The following ZMIZ1 variants were observed in gnomAD, a reference collection of about 807,000 sequenced individuals.
ZMIZ1 encodes the protein zinc finger MIZ-type containing 1, also known as zinc finger MIZ domain-containing protein 1.
Under a neutral mutation model 113.9 loss-of-function variants are expected in ZMIZ1, and 17 were observed. The observed-to-expected ratio is 0.15, with a 90% CI of 0.10 to 0.22. The LOEUF is 0.22. Ranked by LOEUF, ZMIZ1 falls within the 10% of genes least tolerant of loss-of-function variation. The pLI is 1.00. For missense variants in ZMIZ1, 1,059 were observed against 1,477.8 expected (o/e 0.72, Z 4.65); for synonymous variants, 607 against 603.1 (o/e 1.01, Z -0.09).
intron 1 of ZMIZ1, among the ~76,000 whole-genome samples, chr10:79,109,444 A>T (rs1843664451): frequency 6.6e-6 from 1 of 152,198 alleles, no homozygotes; most frequent in Non-Finnish European, 1.5e-5. Flanking sequence ...ATCGTAAATG[A>T]GTATAGAGTG....
intron 19 of ZMIZ1, among the ~76,000 whole-genome samples, chr10:79,304,759 G>A (rs1301855491): frequency 6.6e-6 from 1 of 152,206 alleles, no homozygotes; most frequent in East Asian, 1.9e-4. Context: ...CAAGAGGATG[G>A]TCTGGTCACT....
At chr10:79,295,093 C>T (rs968396367) in intron 12 of ZMIZ1, 3 of 152,220 alleles carry the variant, frequency 2.0e-5, no homozygotes, top group African/African-American at 4.8e-5. Context: ...ATTGGCACCT[C>T]TCCTGGCACT....
At chr10:79,104,676 G>A (rs1843488908) in intron 1 of ZMIZ1, among the ~76,000 whole-genome samples, 1 of 152,130 alleles carries the variant, frequency 6.6e-6, no homozygotes. Flanking sequence ...GGCTTCCTGT[G>A]AGAGCCACAG....
chr10:79,152,215 C>T (rs1278062792), intron 3 of ZMIZ1, among the ~76,000 whole-genome samples: 1 of 152,170 alleles, frequency 6.6e-6, no homozygotes, highest in Non-Finnish European at 1.5e-5. Context: ...GAAAGATAGC[C>T]CAGCCCAGTA....
chr10:79,117,038 C>T (rs1187451707), intron 1 of ZMIZ1, among the ~76,000 whole-genome samples: 2 of 152,268 alleles, frequency 1.3e-5, no homozygotes, highest in African/African-American at 2.4e-5. Context: ...ACTGGAAGGT[C>T]CAGATGGCCT....
intron 23 of ZMIZ1, among the ~76,000 whole-genome samples, chr10:79,310,242 A>G (rs532073320): frequency 9.2e-5 from 14 of 152,278 alleles, no homozygotes; most frequent in South Asian, 2.1e-4. Context: ...TGGGATGTCT[A>G]GGAAAAGGGT....
chr10:79,299,308 A>C, intron 16 of ZMIZ1, 117 bp downstream of exon 16: 1 of 1,393,112 alleles, frequency 7.2e-7, no homozygotes, highest in African/African-American at 1.4e-5. Flanking sequence ...TGACACCTTC[A>C]CGTGTTCAGC....
chr10:79,229,353 C>T (rs1432041476), intron 7 of ZMIZ1, among the ~76,000 whole-genome samples: 2 of 152,176 alleles, frequency 1.3e-5, no homozygotes, highest in African/African-American at 4.8e-5. Context: ...ACCCAGAGCT[C>T]GGGAAGTCTG....
chr10:79,232,609 G>A (rs1218007387), intron 7 of ZMIZ1, among the ~76,000 whole-genome samples: 17 of 152,034 alleles, frequency 1.1e-4, no homozygotes, highest in African/African-American at 2.2e-4. Flanking sequence ...TACCAGGGGC[G>A]AGGCTGGCAT....
chr10:79,269,484 C>CACAT (rs1554825461), intron 7 of ZMIZ1, among the ~76,000 whole-genome samples: 5 of 148,290 alleles, frequency 3.4e-5, no homozygotes, highest in Admixed American at 2.0e-4. Flanking sequence ...CACACACACA[C>CACAT]ACACACTTTC....
At chr10:79,147,147 A>C (rs1028370652) in intron 3 of ZMIZ1, among the ~76,000 whole-genome samples, 2 of 152,206 alleles carry the variant, frequency 1.3e-5, no homozygotes, top group Admixed American at 6.5e-5. Context: ...GGCATCAGGG[A>C]GCCCCGAGCT....
intron 16 of ZMIZ1, among the ~76,000 whole-genome samples, 185 bp from the exon 17 acceptor site, chr10:79,300,547 G>A (rs908780120): frequency 6.6e-6 from 1 of 152,088 alleles, no homozygotes; most frequent in Non-Finnish European, 1.5e-5. Context: ...CAGTTTGGGT[G>A]TAGAGGGAGT....
chr10:79,082,379 C>T (rs1842687518), intron 1 of ZMIZ1, among the ~76,000 whole-genome samples: 1 of 152,250 alleles, frequency 6.6e-6, no homozygotes, highest in Non-Finnish European at 1.5e-5. Flanking sequence ...AGACCCCACG[C>T]CCAGCTTTTT....
chr10:79,205,109 TG>T (rs1848261968), intron 5 of ZMIZ1, among the ~76,000 whole-genome samples: 1 of 152,262 alleles, frequency 6.6e-6, no homozygotes, highest in African/African-American at 2.4e-5. Context: ...GCCCTGTTCC[TG>T]CCCCAGCAGA....
chr10:79,277,136 A>G, intron 7 of ZMIZ1, 45 bp from the exon 8 acceptor site: 1 of 1,463,074 alleles, frequency 6.8e-7, no homozygotes. Flanking sequence ...GGTGTGGCAG[A>G]GCATGATGAA....
intron 7 of ZMIZ1, among the ~76,000 whole-genome samples, chr10:79,243,217 C>T (rs965725466): frequency 5.3e-5 from 8 of 150,990 alleles, no homozygotes; most frequent in African/African-American, 1.9e-4. Flanking sequence ...TCCGCGAGCG[C>T]GGCGCAGAGC....
chr10:79,120,098 G>T (rs977448488), intron 2 of ZMIZ1, among the ~76,000 whole-genome samples: 2 of 152,196 alleles, frequency 1.3e-5, no homozygotes, highest in African/African-American at 4.8e-5. Flanking sequence ...AGTGTGGGGA[G>T]ACAGAAGCAT....
At chr10:79,124,779 A>C (rs997298400) in intron 2 of ZMIZ1, among the ~76,000 whole-genome samples, 4 of 152,154 alleles carry the variant, frequency 2.6e-5, no homozygotes, top group African/African-American at 9.7e-5. Context: ...TCTCTGCACA[A>C]CTGGGTGGCA....
intron 7 of ZMIZ1, among the ~76,000 whole-genome samples, chr10:79,241,236 T>G (rs1268774373): frequency 6.6e-6 from 1 of 152,182 alleles, no homozygotes; most frequent in African/African-American, 2.4e-5. Context: ...CCACATCTGT[T>G]TTCTGGGTGT....
Sources: gnomAD v4.1 joint callset for allele counts (sites outside exome capture counted in the v4.1 genomes callset) on GRCh38, gnomAD v4.1.1 for gene constraint, MANE v1.5 for transcripts, NCBI Gene and HGNC (gene_info 2026-07-23, HGNC 2026-07-21) for gene names.